Variants in SLC6A17 observed in about 807,000 individuals in gnomAD.
SLC6A17 encodes sodium-dependent neutral amino acid transporter SLC6A17.
SLC6A17 carries 21 observed loss-of-function variants against 64.5 expected under a neutral mutation model. The observed-to-expected ratio is 0.33, with a 90% CI of 0.23 to 0.47. The LOEUF (loss-of-function observed/expected upper bound fraction) is 0.47. Among genes scored for constraint, SLC6A17 ranks in the 20% least tolerant of loss-of-function variants. SLC6A17 has a pLI of 1.00. For missense variants in SLC6A17, 682 were observed against 963.2 expected (o/e 0.71, Z 3.86); for synonymous variants, 372 against 399.5 (o/e 0.93, Z 0.82).
At chr1:110,182,960 A>G (rs111646594) in intron 6 of SLC6A17, among the ~76,000 whole-genome samples, 55 of 152,332 alleles carry the variant, frequency 3.6e-4, no homozygotes, top group African/African-American at 1.3e-3. Flanking sequence ...GGAGAGGGTC[A>G]TGGGGTCAAG....
chr1:110,186,617 C>G (rs1656690924), intron 6 of SLC6A17, among the ~76,000 whole-genome samples: 1 of 152,096 alleles, frequency 6.6e-6, no homozygotes, highest in African/African-American at 2.4e-5. Context: ...TTGTCTGGTC[C>G]CTCCTGCTCA....
intron 1 of SLC6A17, among the ~76,000 whole-genome samples, chr1:110,159,066 A>G (rs1257902630): frequency 2.0e-5 from 3 of 152,192 alleles, no homozygotes; most frequent in Non-Finnish European, 4.4e-5. Flanking sequence ...AGTGGTATCT[A>G]CCTGATATAA....
intron 6 of SLC6A17, among the ~76,000 whole-genome samples, chr1:110,181,314 G>C (rs368464461): frequency 2.8e-4 from 42 of 152,208 alleles, no homozygotes; most frequent in African/African-American, 1.0e-3. Context: ...CTACATATTT[G>C]TCCTACAGAT....
chr1:110,175,028 T>A, intron 5 of SLC6A17, 68 bp downstream of exon 5: 2 of 1,539,086 alleles, frequency 1.3e-6, no homozygotes, highest in Non-Finnish European at 1.8e-6. Flanking sequence ...GGCACAGGGC[T>A]AAGAATTCCA....
intron 6 of SLC6A17, among the ~76,000 whole-genome samples, chr1:110,190,561 TA>T (rs1656799002): frequency 6.6e-6 from 1 of 152,120 alleles, no homozygotes; most frequent in Non-Finnish European, 1.5e-5. Flanking sequence ...AGGGCTGTGA[TA>T]TTAAAGACAG....
At chr1:110,173,859 G>A (rs1307602906) in intron 3 of SLC6A17, 114 bp from the exon 4 acceptor site, 1 of 1,467,898 alleles carries the variant, frequency 6.8e-7, no homozygotes, top group East Asian at 2.4e-5. Context: ...TGCCTCTCTT[G>A]AGGCTGTGCT....
chr1:110,174,240 C>G (rs1164755269), intron 4 of SLC6A17, 141 bp downstream of exon 4: 1 of 1,224,436 alleles, frequency 8.2e-7, no homozygotes, highest in Non-Finnish European at 1.1e-6. Context: ...CTCATTTCCC[C>G]TTCCCCAGTG....
At chr1:110,180,321 C>T (rs1384946194) in intron 6 of SLC6A17, among the ~76,000 whole-genome samples, 1 of 152,180 alleles carries the variant, frequency 6.6e-6, no homozygotes, top group Non-Finnish European at 1.5e-5. Flanking sequence ...TTCTTATATT[C>T]CTGGGAATGG....
At position 110,174,789 on chromosome 1, in the gene SLC6A17, A is replaced by G. The variant is rs1656328214; in HGVS notation, c.582A>G (p.Ala194=). The G allele has an allele frequency of 1.9e-6, 3 of 1,613,884 alleles. No homozygotes were observed. In the African/African-American group the frequency reaches 4.0e-5, roughly 22 times the overall value. The change falls in exon 5 of 12, where the codon GCA becomes GCG. Residue 194 remains alanine, a synonymous_variant. Transcript: ENST00000331565. ...VRNGSVAVVE[A]ECEKSSATTY... is the part of the protein sequence containing the mutation. ...TTGCTGCTATTTCAGTGGTGGAGGCAGAGTGTGAAAAGAGCTCAGCCACTA... is the reference window on the plus strand; with the variant it reads ...TTGCTGCTATTTCAGTGGTGGAGGCGGAGTGTGAAAAGAGCTCAGCCACTA...
chr1:110,191,090 C>CGTGAG (rs1656814130), intron 6 of SLC6A17, among the ~76,000 whole-genome samples: 1 of 152,188 alleles, frequency 6.6e-6, no homozygotes. Context: ...TTGATCCTCA[C>CGTGAG]GTTCACTCCG....
chr1:110,183,866 G>T (rs1179923782), intron 6 of SLC6A17, among the ~76,000 whole-genome samples: 2 of 152,104 alleles, frequency 1.3e-5, no homozygotes, highest in South Asian at 4.1e-4. Flanking sequence ...GGGAGGAGGA[G>T]GACTTGGAGG....
chr1:110,194,396 G>A (rs950280704), intron 8 of SLC6A17, among the ~76,000 whole-genome samples, 183 bp from the exon 9 acceptor site: 14 of 152,300 alleles, frequency 9.2e-5, no homozygotes, highest in African/African-American at 3.1e-4. Flanking sequence ...TACGTCTAGG[G>A]GATTCCAATG....
intron 1 of SLC6A17, among the ~76,000 whole-genome samples, chr1:110,154,531 A>T (rs546708312): frequency 8.5e-5 from 13 of 152,230 alleles, no homozygotes; most frequent in Non-Finnish European, 1.6e-4. Context: ...TTTGGGGAAC[A>T]TGGTATTTGG....
chr1:110,159,610 A>G (rs1394040270), intron 1 of SLC6A17, among the ~76,000 whole-genome samples: 1 of 152,214 alleles, frequency 6.6e-6, no homozygotes, highest in Non-Finnish European at 1.5e-5. Flanking sequence ...GTGCCCACCC[A>G]AAGATGATTT....
At chr1:110,185,190 G>T (rs928572310) in intron 6 of SLC6A17, among the ~76,000 whole-genome samples, 1 of 152,220 alleles carries the variant, frequency 6.6e-6, no homozygotes, top group Non-Finnish European at 1.5e-5. Flanking sequence ...CTCAGTTTCC[G>T]CAATGGCAAG....
At chr1:110,187,123 A>AAAAAC (rs10623549) in intron 6 of SLC6A17, among the ~76,000 whole-genome samples, 41,372 of 151,714 alleles carry the variant, frequency 0.27, 6,772 homozygotes, top group Non-Finnish European at 0.35. Context: ...TCTTGTTAAA[A>AAAAAC]AAAAACAAAA....
intron 1 of SLC6A17, among the ~76,000 whole-genome samples, chr1:110,151,127 T>A (rs1445067075): frequency 6.6e-6 from 1 of 152,190 alleles, no homozygotes; most frequent in Non-Finnish European, 1.5e-5. Flanking sequence ...TACGCACGGG[T>A]TGGACACCGG....
intron 1 of SLC6A17, among the ~76,000 whole-genome samples, chr1:110,164,550 G>A (rs1655995720): frequency 6.6e-6 from 1 of 152,238 alleles, no homozygotes; most frequent in African/African-American, 2.4e-5. Context: ...TCAGCCTGGA[G>A]GTTTGTGCGA....
Position 110,155,850 on chromosome 1 carries a change from T to C in SLC6A17, c.-88+4967T>C, listed in dbSNP as rs146155759. ...TGCCAGTTACATTTTTCTTTAATTA[T>C]AAGACTCCTGGGTTCCTGAGGCTTT... On this transcript the variant is annotated intron_variant, in intron 1 of 11. Transcript: ENST00000331565. Among the ~76,000 whole-genome samples, 371 of 152,340 alleles carry C rather than the reference T, an allele frequency of 2.4e-3. 1 individual carries two copies. The highest frequency in any genetic ancestry group is 3.7e-3 in the East Asian group (19 of 5,190).
Sources: gnomAD v4.1 joint callset for allele counts (sites outside exome capture counted in the v4.1 genomes callset) on GRCh38, gnomAD v4.1.1 for gene constraint, MANE v1.5 for transcripts, NCBI Gene and HGNC (gene_info 2026-07-23, HGNC 2026-07-21) for gene names.